EPSTI1: variants seen among roughly 807,000 people sequenced by gnomAD.
EPSTI1 encodes epithelial-stromal interaction protein 1.
EPSTI1 carries 66 observed loss-of-function variants against 49.9 expected under a neutral mutation model. The ratio of observed to expected loss-of-function variants is 1.32; its 90% CI spans 1.08 to 1.62. EPSTI1 has a LOEUF of 1.62. Among genes scored for constraint, EPSTI1 ranks in the 40% most tolerant of loss-of-function variants. The pLI, the probability that EPSTI1 is intolerant of heterozygous loss-of-function variation, is 0.00. For missense variants in EPSTI1, 394 were observed against 365.5 expected, an observed-to-expected ratio of 1.08 and a Z score of -0.64; for synonymous variants, 137 against 130.7, an observed-to-expected ratio of 1.05 and a Z score of -0.33.
In EPSTI1 at chr13:42,911,232, G is replaced by GGA. The variant is rs1310125287; in HGVS notation, c.741+6307_741+6308dup. Among the ~76,000 whole-genome samples the GGA allele has an allele frequency of 5.0e-3, 706 of 142,440 alleles. 9 individuals are homozygous for GGA. Among genetic ancestry groups the GGA allele is most frequent in the African/African-American group, 0.012 (448 of 38,530 alleles). The allele number at this position is 142,440 out of a possible 152,430, so 93.4% of individuals were successfully genotyped here. The stretch of plus-strand genomic sequence containing the variant: ...GTCTATCTGTGAGAGAGAGAGGGAG[G>GGA]GAGAGAGAGAGAGTGTGTGTGTGTG... On this transcript the variant is annotated intron_variant, in intron 8 of 10. Coordinates refer to ENST00000313624, the MANE Select transcript of EPSTI1 (RefSeq NM_033255.5).
intron 5 of EPSTI1, among the ~76,000 whole-genome samples, chr13:42,961,001 A>G (rs907014132): frequency 8.5e-5 from 13 of 152,220 alleles, no homozygotes; most frequent in Non-Finnish European, 1.5e-5. Context: ...CCTAGGTTCC[A>G]GGGATAAAAC....
chr13:42,982,268 C>A (rs746474746), intron 1 of EPSTI1, among the ~76,000 whole-genome samples: 3 of 152,182 alleles, frequency 2.0e-5, no homozygotes, highest in Non-Finnish European at 2.9e-5. Context: ...CTCCCACCAG[C>A]ACCATGACAG....
chr13:42,989,567 C>CTTTTTTCT (rs1555271092), intron 1 of EPSTI1, among the ~76,000 whole-genome samples: 2 of 79,022 alleles, frequency 2.5e-5, no homozygotes, highest in Non-Finnish European at 5.0e-5. Flanking sequence ...CCTCTTTTTT[C>CTTTTTTCT]TTTTTTTTTT....
chr13:42,930,296 A>ACATGCATG lies in EPSTI1; in HGVS notation c.564-3875_564-3868dup, dbSNP rs565498310. ...GAGGTTTAGGTAAGTAATCATTCGT[A>ACATGCATG]CATGCATGCATGCATTCATGCAGGC... On this transcript the variant is annotated intron_variant, in intron 6 of 10. Transcript: ENST00000313624. Among the ~76,000 whole-genome samples, 129 of 152,360 alleles carry ACATGCATG rather than the reference A, an allele frequency of 8.5e-4. 1 individual carries two copies. The highest frequency in any genetic ancestry group is 2.9e-3 in the African/African-American group (120 of 41,584).
At position 42,920,137 on chromosome 13, in the gene EPSTI1, C is replaced by T. The variant is rs921630782; in HGVS notation, c.658-2513G>A. Among the ~76,000 whole-genome samples the T allele has an allele frequency of 4.6e-5, 7 of 152,276 alleles. No individual in the cohort carries two copies. The South Asian group carries it at 1.5e-3, about 32-fold the overall frequency. On this transcript the variant is annotated intron_variant, in intron 7 of 10. Transcript: ENST00000313624. The stretch of plus-strand genomic sequence containing the variant: ...GGAGCCTCATTTTAACTTATTTCCT[C>T]TGTAAAGATGCTATCTCTGAATAAG...
intron 6 of EPSTI1, among the ~76,000 whole-genome samples, chr13:42,935,580 A>C (rs1383297557): frequency 6.6e-6 from 1 of 152,058 alleles, no homozygotes; most frequent in Admixed American, 6.6e-5. Flanking sequence ...TTTCACTCAT[A>C]AATTCTTTTT....
At chr13:42,950,574 T>C (rs149864458) in intron 6 of EPSTI1, among the ~76,000 whole-genome samples, 94 of 151,814 alleles carry the variant, frequency 6.2e-4, no homozygotes, top group Admixed American at 9.8e-4. Flanking sequence ...AAGATTCTCA[T>C]GGTGGTGCCC....
chr13:42,958,888 G>A (rs1735333158), intron 5 of EPSTI1, among the ~76,000 whole-genome samples: 1 of 152,128 alleles, frequency 6.6e-6, no homozygotes, highest in Admixed American at 6.5e-5. Context: ...AGTCACATAT[G>A]TTTTTCTCTC....
chr13:42,945,415 A>G (rs1264089922), intron 6 of EPSTI1, among the ~76,000 whole-genome samples: 3 of 152,224 alleles, frequency 2.0e-5, no homozygotes, highest in African/African-American at 7.2e-5. Context: ...ATGGGGACAC[A>G]GCCAAACCAC....
intron 10 of EPSTI1, among the ~76,000 whole-genome samples, chr13:42,894,020 G>A (rs927930529): frequency 6.6e-6 from 1 of 152,130 alleles, no homozygotes; most frequent in Non-Finnish European, 1.5e-5. Context: ...CGGATAAATA[G>A]ACACATCCAG....
chr13:42,911,761 G>T (rs1232174311), intron 8 of EPSTI1, among the ~76,000 whole-genome samples: 1 of 152,146 alleles, frequency 6.6e-6, no homozygotes, highest in Admixed American at 6.5e-5. Context: ...AGAACAAGCT[G>T]TTAGATTTTT....
chr13:42,890,385 C>T (rs1459721408), intron 10 of EPSTI1, among the ~76,000 whole-genome samples: 4 of 151,228 alleles, frequency 2.6e-5, no homozygotes, highest in African/African-American at 9.7e-5. Flanking sequence ...GCAAGCTCCG[C>T]CTCCCAGGTT....
intron 7 of EPSTI1, among the ~76,000 whole-genome samples, chr13:42,918,866 C>A (rs2037913885): frequency 6.6e-6 from 1 of 152,020 alleles, no homozygotes; most frequent in Non-Finnish European, 1.5e-5. Context: ...CTCTGACAAC[C>A]CCTTCTTTTT....
chr13:42,943,600 G>T (rs9562443), intron 6 of EPSTI1, among the ~76,000 whole-genome samples: 63,980 of 152,068 alleles, frequency 0.42, 14,287 homozygotes, highest in Non-Finnish European at 0.51. Context: ...CCTCCCAAAA[G>T]GAGAACATGG....
At chr13:42,991,257 T>G (rs1168824779) in intron 1 of EPSTI1, 2 of 152,496 alleles carry the variant, frequency 1.3e-5, no homozygotes, top group Non-Finnish European at 2.9e-5. Flanking sequence ...TCTGATACAG[T>G]AATTCCGTTT....
chr13:42,926,365 C>T lies in EPSTI1; in HGVS notation c.628G>A (p.Ala210Thr), dbSNP rs182092316. The change falls in exon 7 of 11, where the codon GCT becomes ACT. Residue 210 changes from alanine (A) to threonine (T), a missense_variant. By Grantham distance (58) the Ala-to-Thr change is moderately conservative (BLOSUM62 0). Coordinates refer to ENST00000313624, the MANE Select transcript of EPSTI1 (RefSeq NM_033255.5). ...ESPDRSACQS[A>T]VCGPQSSTWA... Reference sequence around the variant, plus strand: ...GTTGAGGATTGTGGGCCACAAACAGCACTTTGACAGGCACTTCTGTCTGGC... The same window carrying T: ...GTTGAGGATTGTGGGCCACAAACAGTACTTTGACAGGCACTTCTGTCTGGC... 3.1e-5 allele frequency: 50 copies of T among 1,612,868 alleles called. No homozygotes were observed. The East Asian group carries it at 1.1e-3, about 35-fold the overall frequency.
intron 8 of EPSTI1, among the ~76,000 whole-genome samples, chr13:42,911,264 T>TGTGTGTGTGTGTGC (rs549150890): frequency 5.4e-5 from 8 of 148,550 alleles, no homozygotes; most frequent in African/African-American, 2.0e-4. Flanking sequence ...TGTGTGTGTG[T>TGTGTGTGTGTGTGC]GCGCGCGCAC....
At chr13:42,945,901 G>C (rs1370246699) in intron 6 of EPSTI1, among the ~76,000 whole-genome samples, 1 of 152,182 alleles carries the variant, frequency 6.6e-6, no homozygotes, top group Non-Finnish European at 1.5e-5. Context: ...AAGCTGTTCA[G>C]TCTTATTCTG....
intron 5 of EPSTI1, among the ~76,000 whole-genome samples, chr13:42,960,010 A>T (rs1240520037): frequency 1.4e-5 from 1 of 73,940 alleles, no homozygotes; most frequent in Non-Finnish European, 3.7e-5. Context: ...TCTAGAGATG[A>T]CTTAAAGCAT....
Sources: gnomAD v4.1 joint callset for allele counts (sites outside exome capture counted in the v4.1 genomes callset) on GRCh38, gnomAD v4.1.1 for gene constraint, MANE v1.5 for transcripts, NCBI Gene and HGNC (gene_info 2026-07-23, HGNC 2026-07-21) for gene names.